Variants in MARCHF7 observed in about 807,000 individuals in gnomAD.
MARCHF7 encodes membrane associated ring-CH-type finger 7, also known as E3 ubiquitin-protein ligase MARCHF7.
In MARCHF7, 20 loss-of-function variants were observed where a neutral mutation model predicts 76.5. The observed-to-expected ratio is 0.26, with a 90% confidence interval of 0.18 to 0.38. The LOEUF (loss-of-function observed/expected upper bound fraction) is 0.38. Ranked by LOEUF, MARCHF7 falls within the 10% of genes least tolerant of loss-of-function variation. MARCHF7 has a pLI of 1.00. For missense variants in MARCHF7, 797 were observed against 812.9 expected (o/e 0.98, Z 0.24); for synonymous variants, 295 against 293.0 (o/e 1.01, Z -0.07).
intron 7 of MARCHF7, among the ~76,000 whole-genome samples, chr2:159,751,508 T>C (rs2125631556): frequency 6.6e-6 from 1 of 152,338 alleles, no homozygotes; most frequent in South Asian, 2.1e-4. Context: ...AGGTTATGTC[T>C]GATTAACCCA....
intron 4 of MARCHF7, chr2:159,733,719 A>T: frequency 1.0e-6 from 1 of 985,392 alleles, no homozygotes; most frequent in Non-Finnish European, 1.2e-6. Flanking sequence ...GGAACACCTT[A>T]TATAGTGCTT....
intron 3 of MARCHF7, among the ~76,000 whole-genome samples, chr2:159,716,358 G>C (rs959416391): frequency 2.6e-5 from 4 of 151,812 alleles, no homozygotes; most frequent in African/African-American, 9.7e-5. Context: ...TTGAAATATT[G>C]CATTGGGGCT....
intron 8 of MARCHF7, among the ~76,000 whole-genome samples, chr2:159,756,243 ATTG>A (rs555048089): frequency 6.6e-5 from 10 of 152,212 alleles, no homozygotes; most frequent in Non-Finnish European, 1.2e-4. Flanking sequence ...AATACAGGTT[ATTG>A]TTTAAGAACA....
chr2:159,752,308 A>G, intron 7 of MARCHF7, 94 bp from the exon 8 acceptor site: 1 of 1,209,936 alleles, frequency 8.3e-7, no homozygotes, highest in Non-Finnish European at 1.1e-6. Context: ...GTGTGAGTAG[A>G]AATAACAAAA....
At chr2:159,761,691 C>T (rs1001464483) in intron 9 of MARCHF7, among the ~76,000 whole-genome samples, 7 of 152,152 alleles carry the variant, frequency 4.6e-5, no homozygotes, top group Admixed American at 2.6e-4. Flanking sequence ...GGATTATAGG[C>T]GTGAGCCACC....
intron 1 of MARCHF7, among the ~76,000 whole-genome samples, chr2:159,713,988 G>C (rs1164669866): frequency 6.6e-6 from 1 of 152,108 alleles, no homozygotes; most frequent in African/African-American, 2.4e-5. Context: ...AAGTACAAAT[G>C]ATTTCTTTTT....
rs768935744 is a variant in MARCHF7, at chr2:159,729,135, A to G, written c.113A>G (p.His38Arg). The change falls in exon 4 of 12, where the codon CAC (histidine) becomes CGC (arginine). Residue 38 changes from histidine to arginine, a missense_variant. By Grantham distance (29) the His-to-Arg change is conservative. Coordinates refer to ENST00000409175, the MANE Select transcript of MARCHF7 (RefSeq NM_001282805.2). Reference sequence around the variant, plus strand: ...GGAAGTAGTTTAAATGATACCTATCACTCAAGAGACTCTTCATTTAGATTG... The same window carrying G: ...GGAAGTAGTTTAAATGATACCTATCGCTCAAGAGACTCTTCATTTAGATTG... ...SRGSSLNDTYHSRDSSFRLDS... is the reference protein window; with the variant it reads ...SRGSSLNDTYRSRDSSFRLDS... 2.5e-6 allele frequency: 4 copies of G among 1,608,602 alleles called. No individual in the cohort carries two copies. The highest frequency in any genetic ancestry group is 2.2e-5 in the East Asian group (1 of 44,638).
At chr2:159,732,547 C>G (rs1298171012) in intron 4 of MARCHF7, among the ~76,000 whole-genome samples, 2 of 152,168 alleles carry the variant, frequency 1.3e-5, no homozygotes. Context: ...GGGTCCTGCT[C>G]TGTCACCCAG....
At chr2:159,764,150 T>A (rs1028524383) in intron 10 of MARCHF7, among the ~76,000 whole-genome samples, 4 of 151,970 alleles carry the variant, frequency 2.6e-5, no homozygotes, top group African/African-American at 7.3e-5. Flanking sequence ...GGATTTTTTT[T>A]AATGTATAGA....
At chr2:159,750,384 G>A (rs556063691) in intron 7 of MARCHF7, among the ~76,000 whole-genome samples, 18 of 152,304 alleles carry the variant, frequency 1.2e-4, no homozygotes, top group Non-Finnish European at 2.2e-4. Context: ...ATTTAGCTGG[G>A]TGTGGTGGCA....
rs199703776 is a variant in MARCHF7, at chr2:159,741,144, G to T, written c.154-1917G>T. Reference sequence around the variant, plus strand: ...AATCCTAGCACTTTGAGATGCTAAGGCAGAGGATTGTTTGAGCCCAGGAAT... The same window carrying T: ...AATCCTAGCACTTTGAGATGCTAAGTCAGAGGATTGTTTGAGCCCAGGAAT... On this transcript the variant is annotated intron_variant, in intron 4 of 11. Transcript: ENST00000409175. Among the ~76,000 whole-genome samples the T allele has an allele frequency of 2.0e-5, 3 of 152,328 alleles. No individual in the cohort carries two copies. In the East Asian group the frequency reaches 5.8e-4, roughly 29 times the overall value.
intron 9 of MARCHF7, among the ~76,000 whole-genome samples, chr2:159,759,842 T>C (rs1386803803): frequency 3.9e-5 from 6 of 152,184 alleles, no homozygotes; most frequent in African/African-American, 4.8e-5. Flanking sequence ...CTCACACTTA[T>C]ACCTAGCACT....
At chr2:159,753,343 G>A (rs746201308) in intron 8 of MARCHF7, among the ~76,000 whole-genome samples, 6 of 152,052 alleles carry the variant, frequency 3.9e-5, no homozygotes, top group Admixed American at 1.3e-4. Flanking sequence ...AGGCCGAGAC[G>A]GGCGGATCAC....
chr2:159,720,722 C>T (rs1701541824), intron 3 of MARCHF7, among the ~76,000 whole-genome samples: 2 of 152,176 alleles, frequency 1.3e-5, no homozygotes, highest in Non-Finnish European at 2.9e-5. Flanking sequence ...TGGCTTCTGC[C>T]ATGTTCCTGG....
chr2:159,762,978 A>AGGT lies in MARCHF7; in HGVS notation c.1992_1993insGGT (p.Pro664_Ser665insGly). ...ATATGATGGGAAATACAAATGAACC[A>AGGT]AGCACACGTGTCCGAGTAAGTAATA... On this transcript the variant is annotated inframe_insertion, in exon 10 of 12. Coordinates refer to ENST00000409175, the MANE Select transcript of MARCHF7 (RefSeq NM_001282805.2). The AGGT allele has an allele frequency of 1.2e-6, 2 of 1,611,264 alleles. No homozygotes were observed. The highest frequency in any genetic ancestry group is 1.7e-6 in the Non-Finnish European group (2 of 1,178,736).
chr2:159,752,325 G>A, intron 7 of MARCHF7, 77 bp from the exon 8 acceptor site: 1 of 1,327,992 alleles, frequency 7.5e-7, no homozygotes, highest in Non-Finnish European at 9.9e-7. Flanking sequence ...AAAAAAGAAA[G>A]CTTGTGATTA....
At chr2:159,715,359 G>C (rs1002684720) in intron 2 of MARCHF7, among the ~76,000 whole-genome samples, 6 of 138,848 alleles carry the variant, frequency 4.3e-5, no homozygotes, top group South Asian at 2.1e-4. Context: ...GAGTTTAGGT[G>C]GGGGGGGTAA....
In MARCHF7 at chr2:159,748,735, C is replaced by A; in HGVS notation, c.1445C>A (p.Ser482Tyr). Residue 482 changes from serine to tyrosine, a missense_variant, in exon 7 of 12, where the codon TCC becomes TAC. This residue lies in a region of MARCHF7 where 643 missense variants were observed against 631.5 expected (regional missense o/e 1.02). Transcript: ENST00000409175. ...GGAATATCAGGGATTCTTCCTGGTT[C>A]CTTATTCCGGTTTGCAGTCCCTCCA... ...NTGISGILPG[S>Y]LFRFAVPPAL... is the part of the protein sequence containing the mutation. 1 of 1,614,118 alleles carries A rather than the reference C, an allele frequency of 6.2e-7. No homozygotes were observed. The highest frequency in any genetic ancestry group is 8.5e-7 in the Non-Finnish European group (1 of 1,180,032).
chr2:159,726,133 AT>A (rs1351272618), intron 3 of MARCHF7, among the ~76,000 whole-genome samples: 1 of 152,296 alleles, frequency 6.6e-6, no homozygotes, highest in East Asian at 1.9e-4. Flanking sequence ...CCTAGGAAAG[AT>A]TTATTTGCCA....
Sources: allele counts gnomAD v4.1 joint callset (sites outside exome capture counted in the v4.1 genomes callset), GRCh38; gene constraint gnomAD v4.1.1; regional missense constraint gnomAD v4.1.1; transcripts MANE v1.5; gene names NCBI Gene and HGNC (gene_info 2026-07-23, HGNC 2026-07-21).